The following CRPPA variants were observed in gnomAD, a reference collection of about 807,000 sequenced individuals.
The protein encoded by CRPPA is CDP-L-ribitol pyrophosphorylase A.
In CRPPA, 43 loss-of-function variants were observed where a neutral mutation model predicts 52.0. The ratio of observed to expected loss-of-function variants is 0.83; its 90% CI spans 0.65 to 1.07. CRPPA has a LOEUF of 1.07. Ranked by LOEUF, CRPPA falls within the 50% of genes least tolerant of loss-of-function variation. CRPPA has a pLI of 0.00. For missense variants in CRPPA, 629 were observed against 551.7 expected (o/e 1.14, Z -1.40); for synonymous variants, 250 against 203.5 (o/e 1.23, Z -1.94).
At chr7:16,311,313 G>C (rs1785029953) in intron 3 of CRPPA, among the ~76,000 whole-genome samples, 1 of 152,090 alleles carries the variant, frequency 6.6e-6, no homozygotes, top group African/African-American at 2.4e-5. Flanking sequence ...ACACGACAGT[G>C]AAATTTATCT....
intron 9 of CRPPA, among the ~76,000 whole-genome samples, chr7:16,128,502 G>A (rs953197544): frequency 5.9e-5 from 9 of 152,036 alleles, no homozygotes; most frequent in African/African-American, 1.4e-4. Context: ...CAGGTAAGAA[G>A]AACATTCAGA....
chr7:16,400,209 C>T (rs74476060), intron 2 of CRPPA, among the ~76,000 whole-genome samples: 15,234 of 149,970 alleles, frequency 0.1, 797 homozygotes, highest in South Asian at 0.24. Context: ...ACATGGTTGG[C>T]ATGTGTCCAA....
At chr7:16,336,137 G>C (rs1225857454) in intron 3 of CRPPA, among the ~76,000 whole-genome samples, 1 of 152,150 alleles carries the variant, frequency 6.6e-6, no homozygotes, top group East Asian at 1.9e-4. Context: ...TTGGAAAAAG[G>C]CTATGAATTA....
At chr7:16,178,329 T>A (rs1397797599) in intron 9 of CRPPA, among the ~76,000 whole-genome samples, 1 of 152,118 alleles carries the variant, frequency 6.6e-6, no homozygotes, top group African/African-American at 2.4e-5. Flanking sequence ...AGTGAGTTAT[T>A]AGCGATTCCA....
chr7:16,233,408 T>A (rs940164672), intron 8 of CRPPA, among the ~76,000 whole-genome samples: 2 of 152,136 alleles, frequency 1.3e-5, no homozygotes, highest in Non-Finnish European at 2.9e-5. Context: ...AATGAGGAGA[T>A]ACATACTTCC....
chr7:16,201,685 C>T lies in CRPPA; in HGVS notation c.1251+14381G>A, dbSNP rs184896065. The stretch of plus-strand genomic sequence containing the variant: ...GTGAAAGAGTTGTAACACTCCTGCT[C>T]GCTGAGCTGCAGGGCAGTGGGAATT... On this transcript the variant is annotated intron_variant, in intron 9 of 9. Coordinates refer to ENST00000407010, the MANE Select transcript of CRPPA (RefSeq NM_001101426.4). Among the ~76,000 whole-genome samples, 85 of 152,286 alleles carry T rather than the reference C, an allele frequency of 5.6e-4. 2 individuals carry two copies. Among genetic ancestry groups the T allele is most frequent in the African/African-American group, 1.9e-3 (78 of 41,566 alleles).
chr7:16,323,665 C>A (rs1785313566), intron 3 of CRPPA, among the ~76,000 whole-genome samples: 1 of 152,144 alleles, frequency 6.6e-6, no homozygotes, highest in Non-Finnish European at 1.5e-5. Context: ...TTATTACATA[C>A]CTTTTGTGTA....
intron 9 of CRPPA, among the ~76,000 whole-genome samples, chr7:16,123,663 G>GCTT (rs1311293258): frequency 6.6e-6 from 1 of 152,140 alleles, no homozygotes; most frequent in African/African-American, 2.4e-5. Flanking sequence ...AAGAGGCATG[G>GCTT]GAAGAGGTCA....
intron 2 of CRPPA, among the ~76,000 whole-genome samples, chr7:16,380,123 G>T (rs1404693576): frequency 6.7e-6 from 1 of 150,202 alleles, no homozygotes; most frequent in Admixed American, 6.7e-5. Context: ...ATTGGCTGTG[G>T]GTTTGTCAAA....
intron 9 of CRPPA, among the ~76,000 whole-genome samples, chr7:16,211,379 CAAAAAAGCCTG>C (rs1343370666): frequency 6.6e-6 from 1 of 152,202 alleles, no homozygotes; most frequent in East Asian, 1.9e-4. Flanking sequence ...ATTCCCACAT[CAAAAAAGCCTG>C]ATTACTTTGA....
At chr7:16,296,895 A>G (rs1400280473) in intron 5 of CRPPA, among the ~76,000 whole-genome samples, 1 of 152,146 alleles carries the variant, frequency 6.6e-6, no homozygotes, top group African/African-American at 2.4e-5. Context: ...ACTGGGAGAG[A>G]AAATTTTCTG....
chr7:16,215,080 T>C (rs895901665), intron 9 of CRPPA, among the ~76,000 whole-genome samples: 7 of 152,238 alleles, frequency 4.6e-5, no homozygotes, highest in African/African-American at 1.7e-4. Flanking sequence ...ATGGTCCTTA[T>C]ATTTAATTAA....
intron 3 of CRPPA, among the ~76,000 whole-genome samples, chr7:16,371,532 AT>A (rs1786748356): frequency 1.3e-5 from 2 of 152,118 alleles, no homozygotes; most frequent in Admixed American, 1.3e-4. Flanking sequence ...GGGGAAAAAA[AT>A]AAATTAAAAA....
At chr7:16,283,091 C>T (rs1784350692) in intron 5 of CRPPA, among the ~76,000 whole-genome samples, 1 of 151,892 alleles carries the variant, frequency 6.6e-6, no homozygotes, top group Non-Finnish European at 1.5e-5. Context: ...GATGTATAGC[C>T]AGATTAAAAA....
intron 9 of CRPPA, among the ~76,000 whole-genome samples, chr7:16,103,999 G>C (rs1307562261): frequency 6.6e-6 from 1 of 152,054 alleles, no homozygotes; most frequent in Non-Finnish European, 1.5e-5. Context: ...CAGAAACATG[G>C]GGCAAAGAAA....
At chr7:16,182,072 T>C (rs984322113) in intron 9 of CRPPA, among the ~76,000 whole-genome samples, 1 of 151,994 alleles carries the variant, frequency 6.6e-6, no homozygotes, top group African/African-American at 2.4e-5. Context: ...CAGTGAGCAA[T>C]AAATAAAAAC....
chr7:16,383,974 T>C (rs1194834422), intron 2 of CRPPA, among the ~76,000 whole-genome samples: 1 of 152,198 alleles, frequency 6.6e-6, no homozygotes, highest in Non-Finnish European at 1.5e-5. Context: ...TCGCCCTGCT[T>C]TGGCTCGCGC....
chr7:16,391,507 A>G (rs1216175499), intron 2 of CRPPA, among the ~76,000 whole-genome samples: 1 of 152,166 alleles, frequency 6.6e-6, no homozygotes, highest in Non-Finnish European at 1.5e-5. Context: ...GAGTTAGATC[A>G]TGTCTCTCTT....
At chr7:16,266,898 G>A (rs1783971627) in intron 6 of CRPPA, among the ~76,000 whole-genome samples, 1 of 152,220 alleles carries the variant, frequency 6.6e-6, no homozygotes, top group Non-Finnish European at 1.5e-5. Context: ...CTAAAAGACA[G>A]TGTGTAGTAG....
Sources: allele counts gnomAD v4.1 joint callset (sites outside exome capture counted in the v4.1 genomes callset), GRCh38; gene constraint gnomAD v4.1.1; transcripts MANE v1.5; gene names NCBI Gene and HGNC (gene_info 2026-07-23, HGNC 2026-07-21).